The following RBMS3 variants were observed in gnomAD, a reference collection of about 807,000 sequenced individuals.
RBMS3 encodes the protein RNA-binding motif, single-stranded-interacting protein 3.
RBMS3 carries 27 observed loss-of-function variants against 66.8 expected under a neutral mutation model. That is an observed-to-expected ratio of 0.40 (90% CI 0.30 to 0.56). RBMS3 has a LOEUF of 0.56. RBMS3 is among the 20% of genes least tolerant of loss of function. The pLI is 0.40. For missense variants in RBMS3, 513 were observed against 549.5 expected, an observed-to-expected ratio of 0.93 and a Z score of 0.66; for synonymous variants, 188 against 183.0, an observed-to-expected ratio of 1.03 and a Z score of -0.22.
rs533593382 is a variant in RBMS3 at position 29,361,369 on chromosome 3, A to G, written c.76-73374A>G. Among the ~76,000 whole-genome samples the G allele has an allele frequency of 3.3e-5, 5 of 150,916 alleles. No individual in the cohort carries two copies. In the South Asian group the frequency reaches 1.0e-3, roughly 31 times the overall value. ...ATTCTTTTATTTAAGAATGTTGAAT[A>G]TTGACCCCCACTCTCTTCTGGCTTG... On this transcript the variant is annotated intron_variant, in intron 1 of 14. Transcript: ENST00000383767.
chr3:29,443,468 AG>A (rs2041703433), intron 2 of RBMS3, among the ~76,000 whole-genome samples: 1 of 152,274 alleles, frequency 6.6e-6, no homozygotes, highest in Admixed American at 6.5e-5. Flanking sequence ...GCAGGTTGTA[AG>A]TAATGACTAG....
chr3:29,683,191 T>C (rs1029941880), intron 4 of RBMS3, among the ~76,000 whole-genome samples: 7 of 152,316 alleles, frequency 4.6e-5, no homozygotes, highest in Admixed American at 3.9e-4. Flanking sequence ...CCATGTGATC[T>C]TTCTCTTCAC....
At chr3:29,967,013 A>G (rs1442987627) in intron 12 of RBMS3, among the ~76,000 whole-genome samples, 1 of 152,120 alleles carries the variant, frequency 6.6e-6, no homozygotes, top group Admixed American at 6.5e-5. Context: ...TGTATGTTAA[A>G]CCATCCCTGC....
At chr3:29,541,466 T>C (rs979421025) in intron 3 of RBMS3, among the ~76,000 whole-genome samples, 3 of 152,074 alleles carry the variant, frequency 2.0e-5, no homozygotes, top group African/African-American at 7.2e-5. Context: ...CACCACAGTA[T>C]AGCAAACAAC....
intron 1 of RBMS3, among the ~76,000 whole-genome samples, chr3:29,371,653 T>C (rs1196451922): frequency 1.3e-5 from 2 of 152,220 alleles, no homozygotes; most frequent in Non-Finnish European, 2.9e-5. Context: ...GGTGTTATTT[T>C]AAAGGAAGGT....
chr3:29,681,251 CAA>C (rs1241303795), intron 4 of RBMS3, among the ~76,000 whole-genome samples: 2 of 152,190 alleles, frequency 1.3e-5, no homozygotes, highest in African/African-American at 4.8e-5. Context: ...AAAAAATGTA[CAA>C]AGAGAAAGCT....
chr3:29,360,935 G>A (rs1024611272), intron 1 of RBMS3, among the ~76,000 whole-genome samples: 1 of 151,920 alleles, frequency 6.6e-6, no homozygotes, highest in African/African-American at 2.4e-5. Flanking sequence ...TTGAGCCTAT[G>A]TGTGTCTCTG....
chr3:29,445,788 T>C (rs1459812880), intron 2 of RBMS3, among the ~76,000 whole-genome samples: 1 of 152,172 alleles, frequency 6.6e-6, no homozygotes, highest in Non-Finnish European at 1.5e-5. Context: ...TTTTGTTTTA[T>C]TTCTTATCTG....
intron 6 of RBMS3, among the ~76,000 whole-genome samples, chr3:29,787,913 A>G (rs968688063): frequency 2.0e-5 from 3 of 152,176 alleles, no homozygotes; most frequent in Admixed American, 6.5e-5. Flanking sequence ...AAACTTCATT[A>G]TGATGGATTC....
At chr3:29,518,246 A>T (rs2044718563) in intron 3 of RBMS3, among the ~76,000 whole-genome samples, 1 of 152,234 alleles carries the variant, frequency 6.6e-6, no homozygotes, top group Admixed American at 6.5e-5. Flanking sequence ...GAGAAATACT[A>T]AACCAATATC....
At chr3:29,983,688 G>C (rs142811740) in intron 12 of RBMS3, among the ~76,000 whole-genome samples, 2,215 of 152,198 alleles carry the variant, frequency 0.015, 29 homozygotes, top group Non-Finnish European at 0.02. Context: ...TAGTTTGGCT[G>C]GATATGAAAT....
chr3:29,831,507 T>TA (rs1265053623), intron 6 of RBMS3, among the ~76,000 whole-genome samples: 4 of 152,050 alleles, frequency 2.6e-5, no homozygotes, highest in African/African-American at 9.7e-5. Flanking sequence ...ATGTACACAG[T>TA]AAGAATTTTT....
chr3:29,960,925 T>C (rs899219765), intron 12 of RBMS3, among the ~76,000 whole-genome samples: 10 of 152,156 alleles, frequency 6.6e-5, no homozygotes, highest in African/African-American at 2.2e-4. Context: ...GAGGGGCTGC[T>C]ATGTAGACCT....
intron 4 of RBMS3, among the ~76,000 whole-genome samples, chr3:29,729,442 A>C (rs1221378643): frequency 6.6e-6 from 1 of 152,116 alleles, no homozygotes; most frequent in Non-Finnish European, 1.5e-5. Context: ...GTGCCGCAAT[A>C]AACATACGCG....
intron 6 of RBMS3, among the ~76,000 whole-genome samples, chr3:29,773,486 A>C (rs2056298719): frequency 6.6e-6 from 1 of 152,090 alleles, no homozygotes; most frequent in Non-Finnish European, 1.5e-5. Context: ...TATTGAACTG[A>C]GTGTGAGACA....
intron 10 of RBMS3, among the ~76,000 whole-genome samples, chr3:29,928,448 CT>C (rs2061012489): frequency 6.6e-6 from 1 of 151,268 alleles, no homozygotes; most frequent in Non-Finnish European, 1.5e-5. Context: ...AGTCTTTTGT[CT>C]TTGATTTTTT....
At chr3:29,819,504 T>G (rs2058016502) in intron 6 of RBMS3, among the ~76,000 whole-genome samples, 2 of 152,362 alleles carry the variant, frequency 1.3e-5, no homozygotes, top group Non-Finnish European at 2.9e-5. Context: ...AGCATCAAAA[T>G]GTATTTTAGC....
At chr3:29,363,181 C>A (rs1442221873) in intron 1 of RBMS3, among the ~76,000 whole-genome samples, 1 of 152,164 alleles carries the variant, frequency 6.6e-6, no homozygotes, top group Non-Finnish European at 1.5e-5. Context: ...TACAATCCTT[C>A]AGGAGACTTA....
chr3:29,513,450 A>T (rs917605487), intron 3 of RBMS3, among the ~76,000 whole-genome samples: 1 of 152,104 alleles, frequency 6.6e-6, no homozygotes, highest in African/African-American at 2.4e-5. Flanking sequence ...ACTGGCCCCC[A>T]CCCAGACTTT....
Sources: allele counts gnomAD v4.1 joint callset (sites outside exome capture counted in the v4.1 genomes callset), GRCh38; gene constraint gnomAD v4.1.1; transcripts MANE v1.5; gene names NCBI Gene and HGNC (gene_info 2026-07-23, HGNC 2026-07-21).